VSNL1: variants seen among roughly 807,000 people sequenced by gnomAD.
VSNL1 encodes visinin-like protein 1.
VSNL1 carries 6 observed loss-of-function variants against 20.4 expected under a neutral mutation model. That is an observed-to-expected ratio of 0.29 (90% CI 0.16 to 0.58). VSNL1 has a LOEUF of 0.58. Ranked by LOEUF, VSNL1 falls within the 20% of genes least tolerant of loss-of-function variation. VSNL1 has a pLI of 0.90. For synonymous variants in VSNL1, 93 were observed against 86.4 expected, an observed-to-expected ratio of 1.08 and a Z score of -0.42; for missense variants, 100 against 234.5, an observed-to-expected ratio of 0.43 and a Z score of 3.75.
chr2:17,596,958 G>A (rs985221416), intron 2 of VSNL1, among the ~76,000 whole-genome samples: 3 of 152,184 alleles, frequency 2.0e-5, no homozygotes, highest in African/African-American at 7.2e-5. Flanking sequence ...CCTGATTGAC[G>A]ATCCTCTCAT....
chr2:17,652,688 A>G (rs79382249), intron 3 of VSNL1, among the ~76,000 whole-genome samples: 2,087 of 152,334 alleles, frequency 0.014, 16 homozygotes, highest in Non-Finnish European at 0.015. Context: ...GTGAGCACCA[A>G]GAGTTGTTCA....
intron 1 of VSNL1, among the ~76,000 whole-genome samples, chr2:17,580,778 G>A (rs1459481262): frequency 6.6e-6 from 1 of 152,196 alleles, no homozygotes; most frequent in Non-Finnish European, 1.5e-5. Context: ...ATAGAAAGAA[G>A]TGAGCTTTGT....
At chr2:17,614,767 T>C (rs1665176697) in intron 2 of VSNL1, among the ~76,000 whole-genome samples, 1 of 152,168 alleles carries the variant, frequency 6.6e-6, no homozygotes, top group Non-Finnish European at 1.5e-5. Context: ...GGCTGCCCTG[T>C]GGAAAAATGC....
chr2:17,641,873 T>C (rs2103422530), intron 2 of VSNL1, among the ~76,000 whole-genome samples: 1 of 152,352 alleles, frequency 6.6e-6, no homozygotes. Context: ...CTTCGAAGTT[T>C]GATCCTGTAA....
chr2:17,634,501 A>T lies in VSNL1; in HGVS notation c.163-14909A>T, dbSNP rs1665707786. On this transcript the variant is annotated intron_variant, in intron 2 of 3. Coordinates refer to ENST00000295156, the MANE Select transcript of VSNL1 (RefSeq NM_003385.5). This position sits in a 1 kb window ranked among gnomAD's most constrained non-coding sequence, Gnocchi z 4.3. ...CGTGTCCAGGGAAGAAGCAAGAAAT[A>T]AAAAGGCAATGTGTGACATTTCCCA... Among the ~76,000 whole-genome samples the T allele has an allele frequency of 1.3e-5, 2 of 152,172 alleles. No individual in the cohort carries two copies. The highest frequency in any genetic ancestry group is 4.1e-4 in the South Asian group (2 of 4,824).
intron 2 of VSNL1, among the ~76,000 whole-genome samples, chr2:17,614,906 A>C (rs182862154): frequency 4.5e-4 from 68 of 152,354 alleles, no homozygotes; most frequent in Admixed American, 2.5e-3. Flanking sequence ...GTCTGAATTA[A>C]ATTAAAATGC....
At chr2:17,595,578 A>G (rs764887251) in intron 2 of VSNL1, among the ~76,000 whole-genome samples, 9 of 152,238 alleles carry the variant, frequency 5.9e-5, no homozygotes, top group Non-Finnish European at 1.3e-4. Flanking sequence ...GCCTGTTATC[A>G]GCTGAATAAT....
At chr2:17,566,698 A>C (rs1342262535) in intron 1 of VSNL1, among the ~76,000 whole-genome samples, 1 of 152,158 alleles carries the variant, frequency 6.6e-6, no homozygotes, top group Non-Finnish European at 1.5e-5. Context: ...CTTAAAAACA[A>C]AATTTTAAAT....
intron 1 of VSNL1, among the ~76,000 whole-genome samples, chr2:17,586,671 C>T (rs1300012001): frequency 6.6e-6 from 1 of 152,182 alleles, no homozygotes; most frequent in Non-Finnish European, 1.5e-5. Context: ...TTCTTACAAA[C>T]ATCTGCCAAA....
chr2:17,591,288 C>T (rs1477625819), intron 1 of VSNL1, among the ~76,000 whole-genome samples: 1 of 152,134 alleles, frequency 6.6e-6, no homozygotes, highest in Non-Finnish European at 1.5e-5. Context: ...GCTCTGTCTC[C>T]CTACTCCCTG....
chr2:17,639,919 C>T (rs1478848975), intron 2 of VSNL1, among the ~76,000 whole-genome samples: 1 of 152,206 alleles, frequency 6.6e-6, no homozygotes, highest in Non-Finnish European at 1.5e-5. Flanking sequence ...CCCAGCCCAG[C>T]AGCCAATTCT....
At chr2:17,641,735 A>G (rs568899196) in intron 2 of VSNL1, among the ~76,000 whole-genome samples, 2 of 152,366 alleles carry the variant, frequency 1.3e-5, no homozygotes, top group African/African-American at 4.8e-5. Context: ...ACTTACTTAT[A>G]GGTACAGAGA....
intron 2 of VSNL1, among the ~76,000 whole-genome samples, chr2:17,612,311 C>A (rs1665110628): frequency 6.6e-6 from 1 of 152,162 alleles, no homozygotes; most frequent in African/African-American, 2.4e-5. Context: ...GACTGGCCAG[C>A]AAAGCTGCTG....
intron 2 of VSNL1, among the ~76,000 whole-genome samples, chr2:17,616,806 G>A (rs988749255): frequency 6.6e-6 from 1 of 152,192 alleles, no homozygotes; most frequent in Non-Finnish European, 1.5e-5. Context: ...CAGAAGAATG[G>A]TAAAGGAAGA....
In VSNL1 at chr2:17,649,336, G is replaced by A; in HGVS notation, c.163-74G>A. On this transcript the variant is annotated intron_variant, in intron 2 of 3. Coordinates refer to ENST00000295156, the MANE Select transcript of VSNL1 (RefSeq NM_003385.5). This position sits in a 1 kb window ranked among gnomAD's most constrained non-coding sequence, Gnocchi z 6.4. The stretch of plus-strand genomic sequence containing the variant: ...AACGCCCAGGAGCACCTGTGATGCC[G>A]TCATTAGGAACCTACCTCGTCGCCC... The A allele has an allele frequency of 6.1e-6, 9 of 1,466,988 alleles. No homozygotes were observed. The highest frequency in any genetic ancestry group is 4.5e-5 in the East Asian group (2 of 44,102). 90.9% of individuals were successfully genotyped at this position (1,466,988 alleles called of 1,614,324 possible). A position where few individuals can be genotyped will look rare whatever the true frequency, so the allele number is the denominator to read the frequency against.
In VSNL1 at chr2:17,655,122, T is replaced by G. The variant is rs1572227823; in HGVS notation, c.379-75T>G. On this transcript the variant is annotated intron_variant, in intron 3 of 3. Transcript: ENST00000295156. The surrounding 1 kb of genome is among the most constrained non-coding windows in gnomAD (Gnocchi z 5.2). The stretch of plus-strand genomic sequence containing the variant: ...GGAGGATGGGTGGGATCCCGTCAGG[T>G]GAAAGGGAGGCAAGAAGAGCTCTCT... 1 of 1,483,170 alleles carries G rather than the reference T, an allele frequency of 6.7e-7. No individual in the cohort carries two copies. The highest frequency in any genetic ancestry group is 9.3e-7 in the Non-Finnish European group (1 of 1,076,536). 91.9% of individuals were successfully genotyped at this position (1,483,170 alleles called of 1,614,324 possible).
chr2:17,601,737 C>T (rs1033524523), intron 2 of VSNL1, among the ~76,000 whole-genome samples: 1 of 152,082 alleles, frequency 6.6e-6, no homozygotes, highest in Non-Finnish European at 1.5e-5. Flanking sequence ...GAGTTCGAGA[C>T]CAGCCTGGCC....
intron 2 of VSNL1, among the ~76,000 whole-genome samples, chr2:17,607,010 T>C (rs1382033597): frequency 2.6e-5 from 4 of 152,130 alleles, no homozygotes; most frequent in Non-Finnish European, 5.9e-5. Context: ...AAGCTGAACA[T>C]GGCAGAGTAG....
At chr2:17,610,221 T>A (rs533217063) in intron 2 of VSNL1, among the ~76,000 whole-genome samples, 1 of 152,194 alleles carries the variant, frequency 6.6e-6, no homozygotes, top group Non-Finnish European at 1.5e-5. Context: ...CATGTATTTG[T>A]TGAACATTAT....
Sources: allele counts gnomAD v4.1 joint callset (sites outside exome capture counted in the v4.1 genomes callset), GRCh38; gene constraint gnomAD v4.1.1; non-coding constraint Gnocchi (gnomAD v3.1); transcripts MANE v1.5; gene names NCBI Gene and HGNC (gene_info 2026-07-23, HGNC 2026-07-21).